Variants in MECOM observed in about 807,000 individuals in gnomAD.
MECOM encodes the protein histone-lysine N-methyltransferase MECOM.
A neutral mutation model predicts 116.3 loss-of-function variants in MECOM; 13 were observed. That is an observed-to-expected ratio of 0.11 (90% CI 0.07 to 0.18). The LOEUF (loss-of-function observed/expected upper bound fraction) is 0.18, where lower values mean the gene tolerates loss of function less well. Among genes scored for constraint, MECOM ranks in the 10% least tolerant of loss-of-function variants. MECOM has a pLI of 1.00. For synonymous variants in MECOM, 528 were observed against 535.2 expected (o/e 0.99, Z 0.19); for missense variants, 1,299 against 1,509.0 (o/e 0.86, Z 2.31).
chr3:169,346,855 A>G (rs1279283076), intron 2 of MECOM, among the ~76,000 whole-genome samples: 2 of 152,108 alleles, frequency 1.3e-5, no homozygotes, highest in Admixed American at 1.3e-4. Context: ...GAAAATTGGC[A>G]GAACCTGAAA....
Position 169,663,316 on chromosome 3 carries a change from A to G in MECOM, c.37+20T>C, listed in dbSNP as rs749621166. 6.2e-7 allele frequency: 1 copy of G among 1,604,550 alleles called. No homozygotes were observed. The highest frequency in any genetic ancestry group is 2.2e-5 in the East Asian group (1 of 44,614). ...GCAGAGGAGGGGGAAAAGCCAATAGAAAAGGGATATTGCACCTACTTGTGG... is the reference window on the plus strand; with the variant it reads ...GCAGAGGAGGGGGAAAAGCCAATAGGAAAGGGATATTGCACCTACTTGTGG... On this transcript the variant is annotated intron_variant, in intron 1 of 16. Transcript: ENST00000651503.
rs577206611 is a variant in MECOM at position 169,429,430 on chromosome 3, C to T, written c.38-47906G>A. Among the ~76,000 whole-genome samples, 3 of 152,296 alleles carry T rather than the reference C, an allele frequency of 2.0e-5. No homozygotes were observed. In the South Asian group the frequency reaches 6.2e-4, roughly 32 times the overall value. On this transcript the variant is annotated intron_variant, in intron 1 of 16. Coordinates refer to ENST00000651503, the MANE Select transcript of MECOM (RefSeq NM_004991.4). ...TGAATGTAACCTCAGATGCAAGCTG[C>T]AAAATGGAAGGAATGTATCTATCTT...
intron 1 of MECOM, among the ~76,000 whole-genome samples, chr3:169,449,388 T>C (rs1745175614): frequency 6.6e-6 from 1 of 152,184 alleles, no homozygotes; most frequent in African/African-American, 2.4e-5. Flanking sequence ...ATTCATTTAT[T>C]AGGGCAATCA....
intron 2 of MECOM, among the ~76,000 whole-genome samples, chr3:169,267,426 G>A (rs928874719): frequency 6.6e-6 from 1 of 152,128 alleles, no homozygotes; most frequent in Admixed American, 6.5e-5. Flanking sequence ...TAAGTGAGTT[G>A]GGCTGGATGA....
chr3:169,485,944 T>TATATATACATATATATATA (rs1491555135), intron 1 of MECOM, among the ~76,000 whole-genome samples: 4 of 101,306 alleles, frequency 3.9e-5, no homozygotes, highest in African/African-American at 8.3e-5. Context: ...TATATATGTA[T>TATATATACATATATATATA]GTATATATGT....
rs118152129 is a variant in MECOM at position 169,434,410 on chromosome 3, G to A, written c.38-52886C>T. Among the ~76,000 whole-genome samples, 530 of 144,420 alleles carry A rather than the reference G, an allele frequency of 3.7e-3. 8 individuals are homozygous for A. The East Asian group carries it at 0.054, about 15-fold the overall frequency. 94.7% of individuals were successfully genotyped at this position (144,420 alleles called of 152,430 possible). A position where few individuals can be genotyped will look rare whatever the true frequency, so the allele number is the denominator to read the frequency against. On this transcript the variant is annotated intron_variant, in intron 1 of 16. Coordinates refer to ENST00000651503, the MANE Select transcript of MECOM (RefSeq NM_004991.4). ...ATGTTCCTTTGTAGATAAGCACAGT[G>A]GAGAGGTAAAATGATGTATAAAAAG...
intron 2 of MECOM, among the ~76,000 whole-genome samples, chr3:169,203,887 T>C (rs145906797): frequency 2.4e-4 from 36 of 152,284 alleles, no homozygotes; most frequent in East Asian, 1.9e-3. Context: ...AGCTAAACAG[T>C]TCAACCAACC....
At chr3:169,197,277 T>G (rs1373061330) in intron 2 of MECOM, among the ~76,000 whole-genome samples, 2 of 151,374 alleles carry the variant, frequency 1.3e-5, no homozygotes, top group Non-Finnish European at 2.9e-5. Context: ...ACAATTTACC[T>G]GTATAACAAA....
intron 1 of MECOM, among the ~76,000 whole-genome samples, chr3:169,591,422 T>C (rs373300873): frequency 6.6e-6 from 1 of 152,142 alleles, no homozygotes; most frequent in Non-Finnish European, 1.5e-5. Flanking sequence ...CCTGGAATGA[T>C]TGGAGAGTCG....
chr3:169,592,682 TA>T (rs1560470341), intron 1 of MECOM, among the ~76,000 whole-genome samples: 1 of 152,212 alleles, frequency 6.6e-6, no homozygotes, highest in Non-Finnish European at 1.5e-5. Context: ...AGTTGTTTTT[TA>T]TATGATAGTC....
intron 1 of MECOM, among the ~76,000 whole-genome samples, chr3:169,660,210 C>A (rs914571970): frequency 3.9e-5 from 6 of 152,176 alleles, no homozygotes; most frequent in Non-Finnish European, 7.3e-5. Flanking sequence ...AGTCTCCCCG[C>A]GCTGCCAGAG....
chr3:169,418,832 G>A (rs1008645582), intron 1 of MECOM, among the ~76,000 whole-genome samples: 2 of 151,994 alleles, frequency 1.3e-5, no homozygotes, highest in South Asian at 2.1e-4. Context: ...TTTGAAAACC[G>A]GCACAAGACA....
chr3:169,157,666 T>C (rs1477994421), intron 2 of MECOM, among the ~76,000 whole-genome samples: 1 of 152,210 alleles, frequency 6.6e-6, no homozygotes, highest in Non-Finnish European at 1.5e-5. Flanking sequence ...AAATAAAATC[T>C]TAATATAGCC....
At chr3:169,143,557 A>C (rs74809138) in intron 3 of MECOM, 141 bp downstream of exon 3, 7,613 of 706,754 alleles carry the variant, frequency 0.011, 75 homozygotes, top group Non-Finnish European at 0.013. Context: ...TCTGCATTTT[A>C]CTTATATTTG....
chr3:169,505,693 A>G (rs151000268), intron 1 of MECOM, among the ~76,000 whole-genome samples: 12 of 152,356 alleles, frequency 7.9e-5, no homozygotes, highest in Non-Finnish European at 1.3e-4. Context: ...GCCATCTTGC[A>G]CATCTGAAAC....
intron 2 of MECOM, among the ~76,000 whole-genome samples, chr3:169,221,726 A>G (rs1752161343): frequency 6.6e-6 from 1 of 152,132 alleles, no homozygotes; most frequent in Non-Finnish European, 1.5e-5. Context: ...AACTGGTAAA[A>G]TAGAAAAAAA....
At chr3:169,663,235 G>A in intron 1 of MECOM, 101 bp downstream of exon 1, 1 of 1,410,668 alleles carries the variant, frequency 7.1e-7, no homozygotes, top group Admixed American at 2.0e-5. Flanking sequence ...CGGGGCCCCG[G>A]CGCAAGAGGC....
In MECOM at chr3:169,102,192, T is replaced by G. The variant is rs1412779189; in HGVS notation, c.2639A>C (p.Glu880Ala). Residue 880 changes from glutamate (E) to alanine (A), a missense_variant, in exon 11 of 17, where the codon GAG (glutamate) becomes GCG (alanine). Transcript: ENST00000651503. The part of the protein sequence containing the change: ...SAIENMAEKL[E>A]SFSALKPEAS... ...CTCAGGTTTCAGGGCACTGAAGCTC[T>G]CTAGCTTTTCTGCCATGTTTTCAAT... is the stretch of plus-strand genomic sequence containing the variant. 2 of 1,613,670 alleles carry G rather than the reference T, an allele frequency of 1.2e-6. No individual in the cohort carries two copies. Among genetic ancestry groups the G allele is most frequent in the African/African-American group, 1.3e-5 (1 of 75,034 alleles).
At chr3:169,392,331 G>A (rs983799666) in intron 1 of MECOM, among the ~76,000 whole-genome samples, 2 of 152,184 alleles carry the variant, frequency 1.3e-5, no homozygotes, top group African/African-American at 4.8e-5. Flanking sequence ...AGTTTTGTGT[G>A]AATGCTTCAA....
Sources: allele counts gnomAD v4.1 joint callset (sites outside exome capture counted in the v4.1 genomes callset), GRCh38; gene constraint gnomAD v4.1.1; transcripts MANE v1.5; gene names NCBI Gene and HGNC (gene_info 2026-07-23, HGNC 2026-07-21).